The following THSD4 variants were observed in gnomAD, a reference collection of about 807,000 sequenced individuals.
THSD4 encodes thrombospondin type-1 domain-containing protein 4.
A neutral mutation model predicts 119.0 loss-of-function variants in THSD4; 69 were observed. The observed-to-expected ratio is 0.58, with a 90% CI of 0.48 to 0.71. The LOEUF (loss-of-function observed/expected upper bound fraction) is 0.71. THSD4 is among the 30% of genes least tolerant of loss of function. The pLI, the probability that THSD4 is intolerant of heterozygous loss-of-function variation, is 0.00. For synonymous variants in THSD4, 524 were observed against 540.4 expected, an observed-to-expected ratio of 0.97 and a Z score of 0.42; for missense variants, 1,393 against 1,391.1, an observed-to-expected ratio of 1.00 and a Z score of -0.02.
chr15:71,566,992 C>G (rs563755956), intron 7 of THSD4, among the ~76,000 whole-genome samples: 6 of 152,080 alleles, frequency 3.9e-5, no homozygotes, highest in Admixed American at 2.6e-4. Context: ...GGGACCAACC[C>G]TCTCTCGTTA....
At chr15:71,641,306 C>T (rs1426796725) in intron 7 of THSD4, among the ~76,000 whole-genome samples, 2 of 151,868 alleles carry the variant, frequency 1.3e-5, no homozygotes, top group African/African-American at 2.4e-5. Flanking sequence ...TGTCTTGGGA[C>T]CACAGATAGG....
rs4307907 is a variant in THSD4, at chr15:71,603,457, C to G, written c.1153-57073C>G. On this transcript the variant is annotated intron_variant, in intron 7 of 17. Transcript: ENST00000261862. ...TCAGAGATTCTCCAGGGACCCTCCCCTTTATCTGCCTCCTGCATCTATCAG... is the reference window on the plus strand; with the variant it reads ...TCAGAGATTCTCCAGGGACCCTCCCGTTTATCTGCCTCCTGCATCTATCAG... Among the ~76,000 whole-genome samples the G allele has an allele frequency of 7.9e-5, 12 of 152,316 alleles. No homozygotes were observed. The South Asian group carries it at 1.2e-3, about 16-fold the overall frequency.
At chr15:71,499,559 G>A (rs1207071833) in intron 7 of THSD4, among the ~76,000 whole-genome samples, 2 of 150,012 alleles carry the variant, frequency 1.3e-5, no homozygotes, top group East Asian at 1.9e-4. Flanking sequence ...TAGTACAATA[G>A]TGTTAATTAC....
chr15:71,234,750 C>A (rs913422292), intron 4 of THSD4, among the ~76,000 whole-genome samples: 14 of 152,188 alleles, frequency 9.2e-5, no homozygotes, highest in African/African-American at 3.4e-4. Context: ...TTAAAGAAAC[C>A]TTTTCCCTCC....
chr15:71,641,021 ACT>A (rs1445027183), intron 7 of THSD4, among the ~76,000 whole-genome samples: 2 of 150,744 alleles, frequency 1.3e-5, no homozygotes, highest in African/African-American at 2.4e-5. Flanking sequence ...ACACTTACAC[ACT>A]CTGATCATTT....
At chr15:71,360,884 A>G (rs2045885221) in intron 6 of THSD4, among the ~76,000 whole-genome samples, 1 of 152,238 alleles carries the variant, frequency 6.6e-6, no homozygotes, top group Non-Finnish European at 1.5e-5. Flanking sequence ...GGAGATGGAT[A>G]TCTTAGAGAT....
At position 71,770,879 on chromosome 15, in the gene THSD4, T is replaced by C. The variant is rs376569947; in HGVS notation, c.2770-185T>C. On this transcript the variant is annotated intron_variant, in intron 16 of 17. Coordinates refer to ENST00000261862, the MANE Select transcript of THSD4 (RefSeq NM_024817.3). Reference sequence around the variant, plus strand: ...GTGGGAGGAGCAGGAGGGCTGGGGATATGGATAGGACACACCTGGCATGAG... The same window carrying C: ...GTGGGAGGAGCAGGAGGGCTGGGGACATGGATAGGACACACCTGGCATGAG... Among the ~76,000 whole-genome samples the C allele has an allele frequency of 7.2e-5, 11 of 152,182 alleles. No individual in the cohort carries two copies. The East Asian group carries it at 1.3e-3, about 19-fold the overall frequency.
At chr15:71,338,276 C>A (rs114192020) in intron 6 of THSD4, among the ~76,000 whole-genome samples, 1 of 127,598 alleles carries the variant, frequency 7.8e-6, no homozygotes, top group African/African-American at 2.9e-5. Context: ...CCCCACCCCC[C>A]GCCCCACTCT....
At chr15:71,442,580 ATATAT>A (rs1208621307) in intron 7 of THSD4, among the ~76,000 whole-genome samples, 1 of 12,470 alleles carries the variant, frequency 8.0e-5, no homozygotes, top group African/African-American at 1.8e-4. Flanking sequence ...AAAAAAAAAA[ATATAT>A]ATATATATAT....
rs1382135764 is a variant in THSD4 at position 71,782,423 on chromosome 15, A to G, written c.*5049A>G. ...TTGACAGAAGGATATACTTTGTTAT[A>G]ACTTATTATTTTGTTCTCTGTAAAT... On this transcript the variant is annotated 3_prime_UTR_variant, in exon 18 of 18. Transcript: ENST00000261862. 2 of 152,218 alleles carry G rather than the reference A, an allele frequency of 1.3e-5. No individual in the cohort carries two copies. Among genetic ancestry groups the G allele is most frequent in the Non-Finnish European group, 2.9e-5 (2 of 68,046 alleles). The allele number at this position is 152,218 out of a possible 1,614,324, so 9.4% of individuals were successfully genotyped here. A position where few individuals can be genotyped will look rare whatever the true frequency, so the allele number is the denominator to read the frequency against.
chr15:71,258,455 A>C (rs112895525), intron 6 of THSD4, among the ~76,000 whole-genome samples: 1,730 of 152,292 alleles, frequency 0.011, 36 homozygotes, highest in African/African-American at 0.04. Flanking sequence ...CTGGGATTAC[A>C]GACGTGAGCC....
intron 7 of THSD4, among the ~76,000 whole-genome samples, chr15:71,470,172 A>T (rs969626438): frequency 3.4e-4 from 52 of 151,892 alleles, no homozygotes; most frequent in African/African-American, 1.3e-3. Flanking sequence ...AAATCTTTTC[A>T]TTTTTTTTCT....
intron 7 of THSD4, among the ~76,000 whole-genome samples, chr15:71,588,535 T>C (rs4329875): frequency 0.95 from 145,110 of 152,106 alleles, 69,606 homozygotes; most frequent in Middle Eastern, 1. Context: ...GTGATCCTCC[T>C]GCCTCAGCCT....
chr15:71,254,725 T>C (rs2044295006), intron 5 of THSD4, among the ~76,000 whole-genome samples: 1 of 152,180 alleles, frequency 6.6e-6, no homozygotes, highest in Non-Finnish European at 1.5e-5. Flanking sequence ...AAAGCCTTCA[T>C]GGAGACAGCT....
chr15:71,441,637 C>T (rs1377723024), intron 7 of THSD4, among the ~76,000 whole-genome samples: 2 of 151,950 alleles, frequency 1.3e-5, no homozygotes, highest in African/African-American at 4.8e-5. Context: ...TCGTAATCTG[C>T]CCGCCTTGGC....
chr15:71,196,218 A>T (rs2043718233), intron 3 of THSD4, among the ~76,000 whole-genome samples: 1 of 152,068 alleles, frequency 6.6e-6, no homozygotes, highest in Admixed American at 6.5e-5. Flanking sequence ...TTCAAGACCT[A>T]ATTACCTCCT....
At chr15:71,211,617 A>G (rs2043888617) in intron 3 of THSD4, among the ~76,000 whole-genome samples, 1 of 152,140 alleles carries the variant, frequency 6.6e-6, no homozygotes, top group Admixed American at 6.5e-5. Flanking sequence ...TTGGGCTTCA[A>G]TATATGAATG....
chr15:71,499,482 GT>G (rs1163549108), intron 7 of THSD4, among the ~76,000 whole-genome samples: 29 of 129,918 alleles, frequency 2.2e-4, no homozygotes, highest in African/African-American at 3.6e-4. Context: ...TGGCACAATT[GT>G]TTTTTTTTTA....
chr15:71,114,204 C>G (rs1042684031), upstream of THSD4, among the ~76,000 whole-genome samples: 9 of 151,972 alleles, frequency 5.9e-5, no homozygotes, highest in Non-Finnish European at 1.2e-4. Flanking sequence ...TCTTGAGTAG[C>G]CTCTTTCCCT....
Sources: gnomAD v4.1 joint callset for allele counts (sites outside exome capture counted in the v4.1 genomes callset) on GRCh38, gnomAD v4.1.1 for gene constraint, MANE v1.5 for transcripts, NCBI Gene and HGNC (gene_info 2026-07-23, HGNC 2026-07-21) for gene names.